The following DLGAP2 variants were observed in gnomAD, a reference collection of about 807,000 sequenced individuals.
DLGAP2 encodes the protein DLG associated protein 2.
DLGAP2 carries 26 observed loss-of-function variants against 100.3 expected under a neutral mutation model. The ratio of observed to expected loss-of-function variants is 0.26; its 90% CI spans 0.19 to 0.36. The LOEUF is 0.36. DLGAP2 is among the 10% of genes least tolerant of loss of function. DLGAP2 has a pLI of 1.00. For missense variants in DLGAP2, 1,858 were observed against 1,453.2 expected (o/e 1.28, Z -4.53); for synonymous variants, 886 against 630.1 (o/e 1.41, Z -6.08).
intron 2 of DLGAP2, among the ~76,000 whole-genome samples, chr8:966,169 G>T (rs1799866676): frequency 6.6e-6 from 1 of 152,162 alleles, no homozygotes; most frequent in African/African-American, 2.4e-5. Flanking sequence ...TGTAACATCT[G>T]GACCAGTGGA....
chr8:1,331,563 T>G (rs1725943983), intron 3 of DLGAP2, among the ~76,000 whole-genome samples: 2 of 152,224 alleles, frequency 1.3e-5, no homozygotes, highest in African/African-American at 2.4e-5. Context: ...TCTTTGCTGT[T>G]CATCCACCTC....
intron 1 of DLGAP2, among the ~76,000 whole-genome samples, chr8:871,245 G>C (rs1196676410): frequency 6.6e-6 from 1 of 152,170 alleles, no homozygotes. Flanking sequence ...TTCTTCAGAT[G>C]GCCATCCAGT....
At chr8:863,636 G>A (rs1022220670) in intron 1 of DLGAP2, among the ~76,000 whole-genome samples, 3 of 152,134 alleles carry the variant, frequency 2.0e-5, no homozygotes, top group Admixed American at 6.5e-5. Flanking sequence ...CCTCAGCACC[G>A]CGGATCATCG....
chr8:1,362,452 G>A (rs1227264974), intron 3 of DLGAP2, among the ~76,000 whole-genome samples: 3 of 152,192 alleles, frequency 2.0e-5, no homozygotes, highest in Middle Eastern at 3.4e-3. Context: ...AAGGGCTGGC[G>A]TGGTCCATGT....
At chr8:1,010,715 T>G (rs1801255926) in intron 2 of DLGAP2, among the ~76,000 whole-genome samples, 1 of 152,238 alleles carries the variant, frequency 6.6e-6, no homozygotes, top group African/African-American at 2.4e-5. Flanking sequence ...CCTCTCAATT[T>G]CCTGCCGTAA....
chr8:1,688,656 A>G (rs1799174644), intron 12 of DLGAP2, among the ~76,000 whole-genome samples: 1 of 152,232 alleles, frequency 6.6e-6, no homozygotes, highest in Non-Finnish European at 1.5e-5. Flanking sequence ...GTTTCATAAT[A>G]AAACTTTGGG....
At chr8:1,701,134 C>T in intron 14 of DLGAP2, 54 bp from the exon 15 acceptor site, 1 of 1,503,284 alleles carries the variant, frequency 6.7e-7, no homozygotes. Flanking sequence ...AGCTCGCGAG[C>T]TGCTGGGACC....
chr8:806,475 T>C (rs538018558), intron 1 of DLGAP2, among the ~76,000 whole-genome samples: 2 of 152,104 alleles, frequency 1.3e-5, no homozygotes, highest in East Asian at 3.9e-4. Context: ...TCCTGGGAAG[T>C]ATGGAGAGGT....
intron 2 of DLGAP2, among the ~76,000 whole-genome samples, chr8:983,069 G>T (rs963267124): frequency 6.6e-6 from 1 of 152,126 alleles, no homozygotes; most frequent in Non-Finnish European, 1.5e-5. Context: ...TGCGGGATAG[G>T]ATCAGGGCAG....
chr8:1,022,545 G>A (rs1436155606), intron 2 of DLGAP2, among the ~76,000 whole-genome samples: 2 of 146,354 alleles, frequency 1.4e-5, no homozygotes, highest in Non-Finnish European at 1.5e-5. Context: ...CTCCCTGGGA[G>A]TGGACGGTCA....
chr8:980,592 G>C (rs1482344528), intron 2 of DLGAP2, among the ~76,000 whole-genome samples: 9 of 152,198 alleles, frequency 5.9e-5, no homozygotes, highest in Non-Finnish European at 1.3e-4. Context: ...GCTGTGTGCT[G>C]TCCATGGCGC....
intron 6 of DLGAP2, among the ~76,000 whole-genome samples, chr8:1,614,110 G>A (rs191009794): frequency 1.8e-4 from 27 of 152,248 alleles, no homozygotes; most frequent in African/African-American, 6.0e-4. Flanking sequence ...TGGCTTCAGC[G>A]GTGACTGAGC....
chr8:1,270,394 T>G (rs530107168), intron 3 of DLGAP2, among the ~76,000 whole-genome samples: 1 of 152,338 alleles, frequency 6.6e-6, no homozygotes, highest in South Asian at 2.1e-4. Flanking sequence ...CACAGCCTCA[T>G]TGACTTATAG....
intron 2 of DLGAP2, among the ~76,000 whole-genome samples, chr8:1,258,074 G>A (rs1585200318): frequency 6.6e-6 from 1 of 152,210 alleles, no homozygotes; most frequent in Non-Finnish European, 1.5e-5. Context: ...TGTCTATTCT[G>A]CAGGCAGAGC....
At chr8:1,432,056 C>T (rs948002406) in intron 3 of DLGAP2, among the ~76,000 whole-genome samples, 1 of 151,808 alleles carries the variant, frequency 6.6e-6, no homozygotes, top group Non-Finnish European at 1.5e-5. Context: ...CTGAACCCTG[C>T]CGGCACCCAG....
chr8:1,204,422 C>T (rs1270808174), intron 2 of DLGAP2, among the ~76,000 whole-genome samples: 1 of 152,214 alleles, frequency 6.6e-6, no homozygotes, highest in Non-Finnish European at 1.5e-5. Flanking sequence ...TGACGGTGGA[C>T]CCCGGCTGGA....
intron 8 of DLGAP2, among the ~76,000 whole-genome samples, chr8:1,644,827 G>A (rs915968400): frequency 1.6e-4 from 25 of 152,034 alleles, no homozygotes; most frequent in African/African-American, 4.4e-4. Flanking sequence ...CAGGATGTTC[G>A]TCTAAAAAGC....
chr8:1,326,048 A>G (rs762470283), intron 3 of DLGAP2, among the ~76,000 whole-genome samples: 7 of 152,208 alleles, frequency 4.6e-5, no homozygotes, highest in African/African-American at 1.2e-4. Flanking sequence ...CATTTGTTCA[A>G]TAAGCAGGAA....
chr8:1,235,200 GCGTCA>G, intron 2 of DLGAP2, among the ~76,000 whole-genome samples: 2 of 131,930 alleles, frequency 1.5e-5, no homozygotes, highest in African/African-American at 2.9e-5. Context: ...CTCACACATG[GCGTCA>G]TGTCTAGTTC....
Sources: gnomAD v4.1 joint callset for allele counts (sites outside exome capture counted in the v4.1 genomes callset) on GRCh38, gnomAD v4.1.1 for gene constraint, MANE v1.5 for transcripts, NCBI Gene and HGNC (gene_info 2026-07-23, HGNC 2026-07-21) for gene names.